The following BCKDHB variants were observed in gnomAD, a reference collection of about 807,000 sequenced individuals.
The protein encoded by BCKDHB is 2-oxoisovalerate dehydrogenase subunit beta, mitochondrial.
A neutral mutation model predicts 48.5 loss-of-function variants in BCKDHB; 41 were observed. The ratio of observed to expected loss-of-function variants is 0.85; its 90% CI spans 0.66 to 1.10. BCKDHB has a LOEUF of 1.10. BCKDHB is among the 50% of genes least tolerant of loss of function. BCKDHB has a pLI of 0.00. For missense variants in BCKDHB, 496 were observed against 494.2 expected (o/e 1.00, Z -0.03); for synonymous variants, 201 against 174.8 (o/e 1.15, Z -1.18).
At chr6:80,305,696 T>A (rs1023483813) in intron 9 of BCKDHB, among the ~76,000 whole-genome samples, 1 of 152,172 alleles carries the variant, frequency 6.6e-6, no homozygotes, top group South Asian at 2.1e-4. Context: ...CACATGTAGA[T>A]GTTGTGGACA....
intron 1 of BCKDHB, among the ~76,000 whole-genome samples, chr6:80,122,079 C>T (rs924840430): frequency 3.4e-5 from 5 of 145,442 alleles, no homozygotes; most frequent in Admixed American, 1.4e-4. Flanking sequence ...TGAATTTTGT[C>T]GAAGGCCTTT....
intron 1 of BCKDHB, among the ~76,000 whole-genome samples, chr6:80,119,548 T>G (rs1328104030): frequency 6.6e-6 from 1 of 152,118 alleles, no homozygotes; most frequent in Non-Finnish European, 1.5e-5. Flanking sequence ...CTCGAACTCC[T>G]GGCCTCAAGT....
chr6:80,131,794 C>T (rs1199981108), intron 3 of BCKDHB, among the ~76,000 whole-genome samples: 1 of 152,028 alleles, frequency 6.6e-6, no homozygotes, highest in African/African-American at 2.4e-5. Flanking sequence ...AGCCGCATAC[C>T]ACCATGCCCT....
At chr6:80,426,616 A>G in the BCKDHB span, among the ~76,000 whole-genome samples, 1 of 152,080 alleles carries the variant, frequency 6.6e-6, no homozygotes, top group Non-Finnish European at 1.5e-5. Context: ...AAATTTCTAA[A>G]GATGTGGGGA....
At chr6:80,375,300 G>T in the BCKDHB span, among the ~76,000 whole-genome samples, 1 of 152,032 alleles carries the variant, frequency 6.6e-6, no homozygotes, top group African/African-American at 2.4e-5. Flanking sequence ...TCTTAGGTTT[G>T]GTTGTTTAAC....
chr6:80,137,629 T>C (rs1266997627), intron 3 of BCKDHB, among the ~76,000 whole-genome samples: 2 of 152,160 alleles, frequency 1.3e-5, no homozygotes. Context: ...ATATCTAGTC[T>C]AGTGGTTTTC....
intron 8 of BCKDHB, among the ~76,000 whole-genome samples, chr6:80,204,220 G>A (rs538721585): frequency 4.6e-5 from 7 of 152,134 alleles, no homozygotes; most frequent in African/African-American, 1.4e-4. Flanking sequence ...GTATAGCCTA[G>A]GATGTTTTTA....
chr6:80,373,335 CTTCTT>C, the BCKDHB span, among the ~76,000 whole-genome samples: 58,455 of 151,636 alleles, frequency 0.39, 12,444 homozygotes, highest in East Asian at 0.65. Context: ...GATCTTCTCT[CTTCTT>C]TTCTTGGTTA....
At chr6:80,154,854 C>T (rs1194118884) in intron 3 of BCKDHB, among the ~76,000 whole-genome samples, 1 of 152,032 alleles carries the variant, frequency 6.6e-6, no homozygotes, top group Admixed American at 6.6e-5. Context: ...TTAATTGTTT[C>T]CTTTCCCCAT....
the BCKDHB span, among the ~76,000 whole-genome samples, chr6:80,385,317 T>C: frequency 6.6e-6 from 1 of 152,162 alleles, no homozygotes; most frequent in Admixed American, 6.5e-5. Context: ...ATCATGTGAG[T>C]GGCTGACCTG....
chr6:80,107,520 T>TATATATGC (rs1334468937), intron 1 of BCKDHB, among the ~76,000 whole-genome samples: 1 of 131,696 alleles, frequency 7.6e-6, no homozygotes, highest in South Asian at 2.4e-4. Context: ...TGCGCATATA[T>TATATATGC]ATATATATGC....
At chr6:80,124,631 A>G (rs986164050) in intron 1 of BCKDHB, among the ~76,000 whole-genome samples, 1 of 152,106 alleles carries the variant, frequency 6.6e-6, no homozygotes, top group African/African-American at 2.4e-5. Context: ...TCCCTTTACC[A>G]TTATGTAATG....
At chr6:80,391,548 G>A in the BCKDHB span, among the ~76,000 whole-genome samples, 31 of 152,142 alleles carry the variant, frequency 2.0e-4, no homozygotes, top group African/African-American at 7.5e-4. Flanking sequence ...GCAACGAGTA[G>A]GTTATTCCCT....
At chr6:80,208,837 C>G (rs1310161639) in intron 8 of BCKDHB, among the ~76,000 whole-genome samples, 1 of 151,768 alleles carries the variant, frequency 6.6e-6, no homozygotes, top group Non-Finnish European at 1.5e-5. Context: ...GGTGAATTCT[C>G]TAAAATGTAG....
downstream of BCKDHB, among the ~76,000 whole-genome samples, chr6:80,349,654 C>T (rs9352826): frequency 0.41 from 62,125 of 151,984 alleles, 15,412 homozygotes; most frequent in Admixed American, 0.57. Context: ...ACAAATATGG[C>T]ATAATTCATA....
the BCKDHB span, among the ~76,000 whole-genome samples, chr6:80,419,204 G>A: frequency 1.3e-5 from 2 of 152,308 alleles, no homozygotes; most frequent in East Asian, 3.9e-4. Context: ...GCAAAGTGAT[G>A]TGGGGAGTTG....
intron 9 of BCKDHB, among the ~76,000 whole-genome samples, chr6:80,283,653 G>GT (rs1009625097): frequency 6.6e-6 from 1 of 151,866 alleles, no homozygotes; most frequent in African/African-American, 2.4e-5. Context: ...CCTTTTTGTT[G>GT]TTTTTTAATA....
At chr6:80,311,186 T>C (rs1768139964) in intron 9 of BCKDHB, among the ~76,000 whole-genome samples, 1 of 152,212 alleles carries the variant, frequency 6.6e-6, no homozygotes, top group Non-Finnish European at 1.5e-5. Flanking sequence ...CTCTCTCTTT[T>C]TGTCTGCCAT....
chr6:80,429,484 A>G, the BCKDHB span, among the ~76,000 whole-genome samples: 1 of 152,174 alleles, frequency 6.6e-6, no homozygotes, highest in Admixed American at 6.5e-5. Context: ...TTTTCACAAT[A>G]TTGATTCTTC....
Sources: allele counts gnomAD v4.1 joint callset (sites outside exome capture counted in the v4.1 genomes callset), GRCh38; gene constraint gnomAD v4.1.1; transcripts MANE v1.5; gene names NCBI Gene and HGNC (gene_info 2026-07-23, HGNC 2026-07-21).